RHOV: variants seen among roughly 807,000 people sequenced by gnomAD.
RHOV encodes ras homolog family member V, also known as rho-related GTP-binding protein RhoV.
Under a neutral mutation model 20.2 loss-of-function variants are expected in RHOV, and 6 were observed. That is an observed-to-expected ratio of 0.30 (90% CI 0.16 to 0.59). The LOEUF is 0.59. Ranked by LOEUF, RHOV falls within the 20% of genes least tolerant of loss-of-function variation. The pLI is 0.89. For synonymous variants in RHOV, 136 were observed against 142.3 expected (o/e 0.96, Z 0.31); for missense variants, 275 against 319.4 (o/e 0.86, Z 1.06).
chr15:40,874,195 G>C lies in RHOV; in HGVS notation c.-56C>G. The C allele has an allele frequency of 2.9e-6, 2 of 697,180 alleles. No homozygotes were observed. The highest frequency in any genetic ancestry group is 6.7e-5 in the South Asian group (2 of 29,734). 43.2% of individuals were successfully genotyped at this position (697,180 alleles called of 1,614,324 possible). ...CCCGGGTCTCGGCTTCGCTGCGCTC[G>C]GTGAAGCAGGTCCCGCTGGCTGCCT... On this transcript the variant is annotated 5_prime_UTR_variant, in exon 1 of 3. Coordinates refer to ENST00000220507, the MANE Select transcript of RHOV (RefSeq NM_133639.4).
At position 40,873,005 on chromosome 15, in the gene RHOV, G is replaced by T; in HGVS notation, c.*53C>A. ...TGCCGCAAAGGCCCGGGTGCCCCAGGTCTCAGAAGTCTTTGGCCTCCTGCC... is the reference window on the plus strand; with the variant it reads ...TGCCGCAAAGGCCCGGGTGCCCCAGTTCTCAGAAGTCTTTGGCCTCCTGCC... On this transcript the variant is annotated 3_prime_UTR_variant, in exon 3 of 3. Transcript: ENST00000220507. 1 of 1,444,684 alleles carries T rather than the reference G, an allele frequency of 6.9e-7. No individual in the cohort carries two copies. The highest frequency in any genetic ancestry group is 9.6e-7 in the Non-Finnish European group (1 of 1,045,038). The allele number at this position is 1,444,684 out of a possible 1,614,324, so 89.5% of individuals were successfully genotyped here.
At position 40,874,154 on chromosome 15, in the gene RHOV, G is replaced by T. The variant is rs1891928310; in HGVS notation, c.-15C>A. 4 of 1,235,030 alleles carry T rather than the reference G, an allele frequency of 3.2e-6. No individual in the cohort carries two copies. The highest frequency in any genetic ancestry group is 4.2e-6 in the Non-Finnish European group (4 of 962,354). 76.5% of individuals were successfully genotyped at this position (1,235,030 alleles called of 1,614,324 possible). A position where few individuals can be genotyped will look rare whatever the true frequency, so the allele number is the denominator to read the frequency against. Reference sequence around the variant, plus strand: ...CGCGGCGGCATGGCCCGCTCCGGGGGCAGCAGAGGGGCCAGCCCGGGTCTC... The same window carrying T: ...CGCGGCGGCATGGCCCGCTCCGGGGTCAGCAGAGGGGCCAGCCCGGGTCTC... On this transcript the variant is annotated 5_prime_UTR_variant, in exon 1 of 3. Transcript: ENST00000220507.
chr15:40,873,775 G>C, intron 1 of RHOV, 33 bp from the exon 2 acceptor site: 2 of 1,608,682 alleles, frequency 1.2e-6, no homozygotes, highest in Non-Finnish European at 1.7e-6. Context: ...GCCTGAGTTA[G>C]GAAGAGCGTC....
At chr15:40,873,841 C>G (rs899285223) in intron 1 of RHOV, 91 bp downstream of exon 1, 2 of 1,540,736 alleles carry the variant, frequency 1.3e-6, no homozygotes, top group Non-Finnish European at 1.8e-6. Context: ...CCGGGGTCCT[C>G]TGCGCCCTCC....
In RHOV at chr15:40,873,545, A is replaced by G. The variant is rs368576335; in HGVS notation, c.268-44T>C. On this transcript the variant is annotated intron_variant, in intron 2 of 2. Transcript: ENST00000220507. ...GTGGTAAGGATTAGCCCCCCGACAC[A>G]TGGAATCCATTTCTCACCCGGGGCT... 8.7e-5 allele frequency: 139 copies of G among 1,590,360 alleles called. 1 individual carries two copies. In the Admixed American group the frequency reaches 1.3e-3, roughly 15 times the overall value.
rs1224451266 is a variant in RHOV, at chr15:40,873,311, A to G, written c.458T>C (p.Val153Ala). The G allele has an allele frequency of 6.2e-7, 1 of 1,613,444 alleles. No individual in the cohort carries two copies. Residue 153 changes from valine (V) to alanine (A), a missense_variant, in exon 3 of 3, where the codon GTA (valine) becomes GCA (alanine). By Grantham distance (64) the Val-to-Ala change is moderately conservative (BLOSUM62 0). Transcript: ENST00000220507. ...GCCCCCCTGGTCCAGCTGAATTAGTACGTTGACATCGTCCCTCAGGTCGGC... is the reference window on the plus strand; with the variant it reads ...GCCCCCCTGGTCCAGCTGAATTAGTGCGTTGACATCGTCCCTCAGGTCGGC... The part of the protein sequence containing the change: ...TQADLRDDVN[V>A]LIQLDQGGRE...
chr15:40,873,828 T>A, intron 1 of RHOV, 86 bp from the exon 2 acceptor site: 1 of 1,540,122 alleles, frequency 6.5e-7, no homozygotes, highest in Non-Finnish European at 8.9e-7. Context: ...TCCAGTCTCC[T>A]CCCCGGGGTC....
chr15:40,873,293 T>C lies in RHOV; in HGVS notation c.476A>G (p.Gln159Arg). The change falls in exon 3 of 3, where the codon CAG (glutamine) becomes CGG (arginine). Residue 159 changes from glutamine to arginine, a missense_variant. By Grantham distance (43) the Gln-to-Arg change is conservative (BLOSUM62 1). Coordinates refer to ENST00000220507, the MANE Select transcript of RHOV (RefSeq NM_133639.4). ...DDVNVLIQLD[Q>R]GGREGPVPQP... The stretch of plus-strand genomic sequence containing the variant: ...GGGCACGGGGCCCTCCCGGCCCCCC[T>C]GGTCCAGCTGAATTAGTACGTTGAC... 1 of 1,613,712 alleles carries C rather than the reference T, an allele frequency of 6.2e-7. No individual in the cohort carries two copies. The highest frequency in any genetic ancestry group is 8.5e-7 in the Non-Finnish European group (1 of 1,179,934).
Position 40,873,916 on chromosome 15 carries a change from G to T in RHOV, c.208+16C>A, listed in dbSNP as rs377271720. 6.2e-7 allele frequency: 1 copy of T among 1,601,938 alleles called. No homozygotes were observed. The highest frequency in any genetic ancestry group is 1.3e-5 in the African/African-American group (1 of 74,714). ...GCCGCAGCCACGCGGCCGCACGGGC[G>T]ATTGAACGTACGTACCAGAGAAGGT... is the stretch of plus-strand genomic sequence containing the variant. On this transcript the variant is annotated intron_variant, in intron 1 of 2. Transcript: ENST00000220507.
intron 1 of RHOV, 87 bp from the exon 2 acceptor site, chr15:40,873,829 C>G: frequency 1.3e-6 from 2 of 1,544,834 alleles, no homozygotes; most frequent in Non-Finnish European, 1.8e-6. Flanking sequence ...CCAGTCTCCT[C>G]CCCGGGGTCC....
Position 40,873,190 on chromosome 15 carries a change from G to A in RHOV, c.579C>T (p.Asn193=). Residue 193 remains asparagine, a synonymous_variant, in exon 3 of 3, where the codon AAC becomes AAT. Transcript: ENST00000220507. ...YLECSALTQK[N]LKEVFDSAIL... is the part of the protein sequence containing the mutation. ...TAGCCGAGTCAAATACTTCCTTCAAGTTCTTCTGCGTCAAGGCTGAGCACT... is the reference window on the plus strand; with the variant it reads ...TAGCCGAGTCAAATACTTCCTTCAAATTCTTCTGCGTCAAGGCTGAGCACT... 1.9e-6 allele frequency: 3 copies of A among 1,614,246 alleles called. No homozygotes were observed. The highest frequency in any genetic ancestry group is 2.5e-6 in the Non-Finnish European group (3 of 1,180,038).
Position 40,872,802 on chromosome 15 carries a change from T to C in RHOV, c.*256A>G, listed in dbSNP as rs1891902413. 1 of 490,532 alleles carries C rather than the reference T, an allele frequency of 2.0e-6. No homozygotes were observed. Among genetic ancestry groups the C allele is most frequent in the African/African-American group, 2.0e-5 (1 of 50,910 alleles). The allele number at this position is 490,532 out of a possible 1,614,324, so 30.4% of individuals were successfully genotyped here. ...GAGGTGACTGACCCTGTTAGGACCA[T>C]CCCATGAAAATCAAAGTGCCAGGTT... is the stretch of plus-strand genomic sequence containing the variant. On this transcript the variant is annotated 3_prime_UTR_variant, in exon 3 of 3. Transcript: ENST00000220507.
chr15:40,873,295 G>C lies in RHOV; in HGVS notation c.474C>G (p.Asp158Glu), dbSNP rs1891913648. The C allele has an allele frequency of 6.2e-7, 1 of 1,613,790 alleles. No homozygotes were observed. Among genetic ancestry groups the C allele is most frequent in the South Asian group, 1.1e-5 (1 of 91,074 alleles). ...GCACGGGGCCCTCCCGGCCCCCCTG[G>C]TCCAGCTGAATTAGTACGTTGACAT... ...RDDVNVLIQL[D>E]QGGREGPVPQ... Residue 158 changes from aspartate to glutamate, a missense_variant, in exon 3 of 3, where the codon GAC (aspartate) becomes GAG (glutamate). By Grantham distance (45) the Asp-to-Glu change is conservative. Transcript: ENST00000220507.
Position 40,873,212 on chromosome 15 carries a change from C to G in RHOV, c.557G>C (p.Cys186Ser). 6.2e-7 allele frequency: 1 copy of G among 1,614,264 alleles called. No homozygotes were observed. The highest frequency in any genetic ancestry group is 8.5e-7 in the Non-Finnish European group (1 of 1,180,050). ...CAAGTTCTTCTGCGTCAAGGCTGAG[C>G]ACTCAAGGTAGCAGCAGGCTCGGAT... ...EKIRACCYLECSALTQKNLKE... is the reference protein window; with the variant it reads ...EKIRACCYLESSALTQKNLKE... The change falls in exon 3 of 3, where the codon TGC becomes TCC. Residue 186 changes from cysteine (C) to serine (S), a missense_variant. Coordinates refer to ENST00000220507, the MANE Select transcript of RHOV (RefSeq NM_133639.4).
At position 40,872,871 on chromosome 15, in the gene RHOV, C is replaced by T; in HGVS notation, c.*187G>A. 1 of 561,350 alleles carries T rather than the reference C, an allele frequency of 1.8e-6. No homozygotes were observed. The highest frequency in any genetic ancestry group is 2.5e-5 in the South Asian group (1 of 40,732). The allele number at this position is 561,350 out of a possible 1,614,324, so 34.8% of individuals were successfully genotyped here. ...CTGGAGAAATCCAAATCAGAGCCTT[C>T]CCTCCTAGGCTCACCCAGGCATATC... is the stretch of plus-strand genomic sequence containing the variant. On this transcript the variant is annotated 3_prime_UTR_variant, in exon 3 of 3. Transcript: ENST00000220507.
At chr15:40,873,652 C>G (rs373925242) in intron 2 of RHOV, 32 bp downstream of exon 2, 8 of 1,612,164 alleles carry the variant, frequency 5.0e-6, no homozygotes, top group Non-Finnish European at 6.8e-6. Flanking sequence ...CATCTCCCCG[C>G]AGACCAGTAG....
Position 40,873,374 on chromosome 15 carries a change from T to C in RHOV, c.395A>G (p.His132Arg), listed in dbSNP as rs1891915437. ...TEKWLPEIRT[H>R]NPQAPVLLVG... Reference sequence around the variant, plus strand: ...CAGCAGCACAGGCGCCTGGGGGTTGTGCGTGCGGATCTCGGGCAGCCATTT... The same window carrying C: ...CAGCAGCACAGGCGCCTGGGGGTTGCGCGTGCGGATCTCGGGCAGCCATTT... The change falls in exon 3 of 3, where the codon CAC becomes CGC. Residue 132 changes from histidine (H) to arginine (R), a missense_variant. Physicochemically the swap from His to Arg is conservative, Grantham distance 29. Transcript: ENST00000220507. 2 of 1,613,186 alleles carry C rather than the reference T, an allele frequency of 1.2e-6. No homozygotes were observed. Among genetic ancestry groups the C allele is most frequent in the Admixed American group, 1.7e-5 (1 of 60,000 alleles).
intron 1 of RHOV, 38 bp downstream of exon 1, chr15:40,873,894 G>T: frequency 6.3e-7 from 1 of 1,577,440 alleles, no homozygotes; most frequent in South Asian, 1.1e-5. Context: ...CAGCCCCGCC[G>T]CAGCCACGCG....
rs1566863432 is a variant in RHOV at position 40,874,125 on chromosome 15, C to G, written c.15G>C (p.Glu5Asp). 2 of 1,352,280 alleles carry G rather than the reference C, an allele frequency of 1.5e-6. No homozygotes were observed. Among genetic ancestry groups the G allele is most frequent in the Non-Finnish European group, 9.5e-7 (1 of 1,057,452 alleles). 83.8% of individuals were successfully genotyped at this position (1,352,280 alleles called of 1,614,324 possible). Reference sequence around the variant, plus strand: ...GCGGGGGCGGCTCGGCCTCGCTCAGCTCCCGCGGCGGCATGGCCCGCTCCG... The same window carrying G: ...GCGGGGGCGGCTCGGCCTCGCTCAGGTCCCGCGGCGGCATGGCCCGCTCCG... The part of the protein sequence containing the change: MPPR[E>D]LSEAEPPPLR... Residue 5 changes from glutamate to aspartate, a missense_variant, in exon 1 of 3, where the codon GAG becomes GAC. By Grantham distance (45) the Glu-to-Asp change is conservative (BLOSUM62 2). Transcript: ENST00000220507.
Sources: gnomAD v4.1 joint callset for allele counts on GRCh38, gnomAD v4.1.1 for gene constraint, MANE v1.5 for transcripts, NCBI Gene and HGNC (gene_info 2026-07-23, HGNC 2026-07-21) for gene names.